Variants in RANGAP1 observed in about 807,000 individuals in gnomAD.
The protein encoded by RANGAP1 is Ran GTPase activating protein 1, also known as ran GTPase-activating protein 1.
In RANGAP1, 38 loss-of-function variants were observed where a neutral mutation model predicts 63.5. That is an observed-to-expected ratio of 0.60 (90% CI 0.46 to 0.78). RANGAP1 has a LOEUF of 0.78. Among genes scored for constraint, RANGAP1 ranks in the 30% least tolerant of loss-of-function variants. The probability of loss-of-function intolerance (pLI) is 0.00; values close to 1 mark genes in which losing one functional copy is unlikely to be tolerated. For missense variants in RANGAP1, 630 were observed against 740.3 expected (o/e 0.85, Z 1.73); for synonymous variants, 329 against 310.5 (o/e 1.06, Z -0.63).
At chr22:41,267,561 C>T (rs1306953068) in intron 4 of RANGAP1, among the ~76,000 whole-genome samples, 1 of 152,142 alleles carries the variant, frequency 6.6e-6, no homozygotes, top group Non-Finnish European at 1.5e-5. Flanking sequence ...TTTCCTTCCA[C>T]ACATATGCAC....
chr22:41,283,621 G>C (rs1389336480), intron 1 of RANGAP1, among the ~76,000 whole-genome samples: 2 of 152,188 alleles, frequency 1.3e-5, no homozygotes, highest in Non-Finnish European at 2.9e-5. Flanking sequence ...GCACACATCT[G>C]GGGGAACATG....
intron 10 of RANGAP1, 46 bp downstream of exon 10, chr22:41,255,975 A>T: frequency 6.4e-7 from 1 of 1,553,820 alleles, no homozygotes; most frequent in East Asian, 2.2e-5. Context: ...AAAGAAAGAA[A>T]GGAATGGCCT....
chr22:41,289,034 T>C (rs2035806364), upstream of RANGAP1, among the ~76,000 whole-genome samples: 1 of 151,346 alleles, frequency 6.6e-6, no homozygotes, highest in Non-Finnish European at 1.5e-5. Flanking sequence ...GTGATTCTTC[T>C]GCCTCAGCCT....
At chr22:41,281,714 G>A (rs2035500766) in intron 1 of RANGAP1, 6 of 865,760 alleles carry the variant, frequency 6.9e-6, no homozygotes, top group Non-Finnish European at 5.6e-6. Context: ...ATCATAATAG[G>A]ACAGGGACAG....
At chr22:41,274,808 G>C (rs1397165492) in intron 2 of RANGAP1, 81 bp from the exon 3 acceptor site, 8 of 1,563,708 alleles carry the variant, frequency 5.1e-6, no homozygotes, top group Non-Finnish European at 7.0e-6. Flanking sequence ...CAACCACCTT[G>C]CCACTCAACA....
intron 6 of RANGAP1, among the ~76,000 whole-genome samples, chr22:41,259,146 G>A (rs575080549): frequency 4.6e-5 from 7 of 152,020 alleles, no homozygotes; most frequent in East Asian, 3.9e-4. Context: ...CCTATATTCC[G>A]TCTGCATCCC....
the RANGAP1 span, among the ~76,000 whole-genome samples, chr22:41,298,016 C>G: frequency 6.6e-6 from 1 of 152,058 alleles, no homozygotes; most frequent in East Asian, 1.9e-4. Context: ...CGTGACCACG[C>G]CTGGCTGATA....
At chr22:41,284,024 G>A (rs951398393) in intron 1 of RANGAP1, among the ~76,000 whole-genome samples, 4 of 152,122 alleles carry the variant, frequency 2.6e-5, no homozygotes, top group Non-Finnish European at 2.9e-5. Flanking sequence ...TGAGGTGGGC[G>A]GATCACGAGG....
intron 3 of RANGAP1, among the ~76,000 whole-genome samples, chr22:41,270,997 G>A (rs1160620137): frequency 6.6e-6 from 1 of 152,110 alleles, no homozygotes; most frequent in Non-Finnish European, 1.5e-5. Flanking sequence ...TGATTTAGCT[G>A]ACTCCAGCCA....
upstream of RANGAP1, among the ~76,000 whole-genome samples, chr22:41,288,927 T>TTC (rs2145874386): frequency 1.4e-5 from 2 of 147,350 alleles, no homozygotes; most frequent in African/African-American, 5.0e-5. Flanking sequence ...CTGATTTTTT[T>TTC]TTTTTTTTTT....
chr22:41,258,833 T>C (rs1441274326), intron 6 of RANGAP1, among the ~76,000 whole-genome samples: 2 of 152,136 alleles, frequency 1.3e-5, no homozygotes, highest in Non-Finnish European at 2.9e-5. Context: ...TTTGTATTTT[T>C]AGTAGAGATG....
At position 41,254,373 on chromosome 22, in the gene RANGAP1, G is replaced by C. The variant is rs1300639043; in HGVS notation, c.1195C>G (p.Gln399Glu). 1 of 1,614,058 alleles carries C rather than the reference G, an allele frequency of 6.2e-7. No individual in the cohort carries two copies. The highest frequency in any genetic ancestry group is 2.2e-5 in the East Asian group (1 of 44,872). Residue 399 changes from glutamine to glutamate, a missense_variant, in exon 11 of 16, where the codon CAG becomes GAG. Gln to Glu is a conservative substitution (Grantham distance 29). Transcript: ENST00000356244. Reference sequence around the variant, plus strand: ...GACTTCTCTCCCTGCCCTCGCTGCTGAGGCTCTTCTTCCTCCTCCTCCTCC... The same window carrying C: ...GACTTCTCTCCCTGCCCTCGCTGCTCAGGCTCTTCTTCCTCCTCCTCCTCC... Reference protein sequence around the residue: ...EEEEEEEEEPQQRGQGEKSAT... With the variant: ...EEEEEEEEEPEQRGQGEKSAT...
At chr22:41,253,568 G>A (rs1036345728) in intron 11 of RANGAP1, among the ~76,000 whole-genome samples, 4 of 152,086 alleles carry the variant, frequency 2.6e-5, no homozygotes, top group African/African-American at 7.2e-5. Context: ...ATGCAGCCCC[G>A]GGCCAGACAA....
chr22:41,259,711 A>T (rs1167641233), intron 6 of RANGAP1, among the ~76,000 whole-genome samples: 2 of 152,150 alleles, frequency 1.3e-5, no homozygotes, highest in African/African-American at 4.8e-5. Context: ...TTATTTTTTT[A>T]AAAATTTTAA....
chr22:41,281,057 G>T lies in RANGAP1; in HGVS notation c.-13C>A. The T allele has an allele frequency of 6.3e-7, 1 of 1,582,244 alleles. No homozygotes were observed. On this transcript the variant is annotated 5_prime_UTR_variant, in exon 2 of 16. Coordinates refer to ENST00000356244, the MANE Select transcript of RANGAP1 (RefSeq NM_002883.4). The stretch of plus-strand genomic sequence containing the variant: ...CTTCCGAGGCCATGTTGACTAGGCT[G>T]GTGGGCTCCCCTGGAGATCTGCAGA...
At position 41,281,081 on chromosome 22, in the gene RANGAP1, G is replaced by T; in HGVS notation, c.-37C>A. ...TGGTGGGCTCCCCTGGAGATCTGCA[G>T]ACTGAGGAGGCCAAAGTTGCAGTAA... On this transcript the variant is annotated splice_region_variant and 5_prime_UTR_variant, in exon 2 of 16. It adds an upstream start codon to the 5' untranslated region. Transcript: ENST00000356244. The T allele has an allele frequency of 1.3e-6, 2 of 1,542,260 alleles. No homozygotes were observed. The highest frequency in any genetic ancestry group is 1.3e-5 in the South Asian group (1 of 78,818).
At chr22:41,271,066 T>C (rs559001702) in intron 3 of RANGAP1, among the ~76,000 whole-genome samples, 1 of 152,222 alleles carries the variant, frequency 6.6e-6, no homozygotes, top group South Asian at 2.1e-4. Flanking sequence ...TAGGTCCTAA[T>C]GATCTCCCAC....
At chr22:41,298,984 T>G in the RANGAP1 span, among the ~76,000 whole-genome samples, 5 of 152,182 alleles carry the variant, frequency 3.3e-5, no homozygotes, top group Non-Finnish European at 7.3e-5. Context: ...TTTCTTGCTG[T>G]ATCCTCACCT....
chr22:41,267,294 C>T (rs888632676), intron 4 of RANGAP1, among the ~76,000 whole-genome samples: 1 of 152,032 alleles, frequency 6.6e-6, no homozygotes, highest in African/African-American at 2.4e-5. Flanking sequence ...TGTTTGAGCC[C>T]AGGAGTTCAA....
Sources: gnomAD v4.1 joint callset for allele counts (sites outside exome capture counted in the v4.1 genomes callset) on GRCh38, gnomAD v4.1.1 for gene constraint, MANE v1.5 for transcripts, NCBI Gene and HGNC (gene_info 2026-07-23, HGNC 2026-07-21) for gene names.